USP8: variants seen among roughly 807,000 people sequenced by gnomAD.
The protein encoded by USP8 is ubiquitin carboxyl-terminal hydrolase 8.
In USP8, 27 loss-of-function variants were observed where a neutral mutation model predicts 130.0. The observed-to-expected ratio is 0.21, with a 90% CI of 0.15 to 0.29. USP8 has a LOEUF of 0.29. USP8 is among the 10% of genes least tolerant of loss of function. The pLI, the probability that USP8 is intolerant of heterozygous loss-of-function variation, is 1.00. For synonymous variants in USP8, 392 were observed against 444.1 expected (o/e 0.88, Z 1.48); for missense variants, 1,029 against 1,312.2 (o/e 0.78, Z 3.33).
intron 12 of USP8, among the ~76,000 whole-genome samples, chr15:50,488,975 G>A (rs78322340): frequency 0.01 from 1,561 of 152,012 alleles, 25 homozygotes; most frequent in East Asian, 0.026. Flanking sequence ...TCTTGGCCTC[G>A]CAAAGTGCTG....
At position 50,497,190 on chromosome 15, in the gene USP8, A is replaced by G. The variant is rs2052449644; in HGVS notation, c.2997A>G (p.Glu999=). The stretch of plus-strand genomic sequence containing the variant: ...GACGGGATTCTCTAAAAAAGATAGA[A>G]ATCTGGAAGTTACCACCTGTGCTTT... ...RARRDSLKKI[E]IWKLPPVLLV... Residue 999 remains glutamate, a synonymous_variant, in exon 18 of 20, where the codon GAA becomes GAG. Transcript: ENST00000307179. The G allele has an allele frequency of 6.2e-7, 1 of 1,611,142 alleles. No individual in the cohort carries two copies. The highest frequency in any genetic ancestry group is 8.5e-7 in the Non-Finnish European group (1 of 1,178,930).
intron 15 of USP8, chr15:50,493,522 G>A (rs145370497): frequency 8.1e-5 from 42 of 517,288 alleles, no homozygotes; most frequent in African/African-American, 6.3e-4. Context: ...GGAGGCTGAC[G>A]TGGGCAGATC....
chr15:50,444,035 A>G (rs938785826), intron 3 of USP8, among the ~76,000 whole-genome samples: 1 of 151,694 alleles, frequency 6.6e-6, no homozygotes, highest in African/African-American at 2.4e-5. Flanking sequence ...AATATTTTTG[A>G]AAGTCTTAAA....
At chr15:50,459,586 A>G (rs1220672826) in intron 5 of USP8, among the ~76,000 whole-genome samples, 1 of 152,040 alleles carries the variant, frequency 6.6e-6, no homozygotes, top group African/African-American at 2.4e-5. Context: ...TCTTGTCTCA[A>G]AAAAAAAGAA....
intron 7 of USP8, among the ~76,000 whole-genome samples, chr15:50,469,863 C>T (rs527941329): frequency 2.8e-5 from 4 of 144,884 alleles, no homozygotes; most frequent in South Asian, 2.2e-4. Context: ...GACAGAGTCT[C>T]GCTCTTCACC....
At position 50,497,086 on chromosome 15, in the gene USP8, C is replaced by T. The variant is rs760551988; in HGVS notation, c.2896-3C>T. 5 of 1,581,644 alleles carry T rather than the reference C, an allele frequency of 3.2e-6. No individual in the cohort carries two copies. Among genetic ancestry groups the T allele is most frequent in the Admixed American group, 1.9e-5 (1 of 51,890 alleles). ...GTATCTGCTACTTGTTTTTTTCTGC[C>T]AGGATTGCCTTAGATTATTTTCCAA... On this transcript the variant is annotated splice_region_variant and splice_polypyrimidine_tract_variant and intron_variant, in intron 17 of 19. Transcript: ENST00000307179.
rs559873715 is a variant in USP8 at position 50,512,915 on chromosome 15, C to T, written c.*13827C>T. Reference sequence around the variant, plus strand: ...AGTTGGGAAACAAAAAGATCATGTACAACAAACCAAAAACAAAAAAGTTAT... The same window carrying T: ...AGTTGGGAAACAAAAAGATCATGTATAACAAACCAAAAACAAAAAAGTTAT... On this transcript the variant is annotated 3_prime_UTR_variant, in exon 20 of 20. Transcript: ENST00000307179. 6.6e-6 allele frequency: 1 copy of T among 152,158 alleles called. No individual in the cohort carries two copies. Among genetic ancestry groups the T allele is most frequent in the South Asian group, 2.1e-4 (1 of 4,822 alleles). The allele number at this position is 152,158 out of a possible 1,614,324, so 9.4% of individuals were successfully genotyped here.
At chr15:50,436,293 C>G (rs2050088619) in intron 1 of USP8, among the ~76,000 whole-genome samples, 1 of 151,694 alleles carries the variant, frequency 6.6e-6, no homozygotes, top group Admixed American at 6.6e-5. Flanking sequence ...CTTTTCATCT[C>G]TTTGAAAAAC....
At chr15:50,447,486 C>A (rs1008433545) in intron 3 of USP8, among the ~76,000 whole-genome samples, 1 of 152,132 alleles carries the variant, frequency 6.6e-6, no homozygotes, top group Non-Finnish European at 1.5e-5. Context: ...GGTGATCCAC[C>A]CACCTCAGCC....
In USP8 at chr15:50,439,079, T is replaced by C; in HGVS notation, c.6T>C (p.Pro2=). The change falls in exon 2 of 20, where the codon CCT becomes CCC. Residue 2 remains proline (P), a synonymous_variant. Transcript: ENST00000307179. ...AAAAGTAAAGATAATTCATCATGCC[T>C]GCTGTGGCTTCAGTTCCTAAAGAAC... The part of the protein sequence containing the change: M[P]AVASVPKELY... The C allele has an allele frequency of 1.9e-6, 3 of 1,608,494 alleles. No individual in the cohort carries two copies. The highest frequency in any genetic ancestry group is 1.7e-4 in the Middle Eastern group (1 of 5,866).
At chr15:50,498,488 T>G in intron 18 of USP8, 108 bp from the exon 19 acceptor site, 1 of 1,373,720 alleles carries the variant, frequency 7.3e-7, no homozygotes, top group Non-Finnish European at 9.7e-7. Flanking sequence ...CAAGTCTTTG[T>G]ATTTGAAATG....
chr15:50,494,068 A>G lies in USP8; in HGVS notation c.2448-2A>G. On this transcript the variant is annotated splice_acceptor_variant, in intron 15 of 19. Transcript: ENST00000307179. LOFTEE classifies it high-confidence loss of function. ...CTTTTGTAACAACTTTTATTTGCAC[A>G]GGTCAAATTTGTTGGGGCATAAAGG... 1 of 1,601,260 alleles carries G rather than the reference A, an allele frequency of 6.2e-7. No individual in the cohort carries two copies. Among genetic ancestry groups the G allele is most frequent in the Non-Finnish European group, 8.5e-7 (1 of 1,176,204 alleles).
rs374628414 is a variant in USP8 at position 50,461,435 on chromosome 15, A to G, written c.499-845A>G. 5.1e-5 allele frequency among the ~76,000 whole-genome samples: 7 copies of G among 137,490 alleles called. No homozygotes were observed. In the East Asian group the frequency reaches 1.1e-3, roughly 21 times the overall value. 90.2% of individuals were successfully genotyped at this position (137,490 alleles called of 152,430 possible). On this transcript the variant is annotated intron_variant, in intron 5 of 19. Transcript: ENST00000307179. ...CATGCAACTGCACTCCAGCTTGAGC[A>G]TTAGAGTGAGACCCTATCTCCAAAA...
rs2052716973 is a variant in USP8 at position 50,510,032 on chromosome 15, A to G, written c.*10944A>G. ...ATTAATATTCATAAGCTAAATTAAG[A>G]ATTAATTCAATATTAATTTAATAAA... On this transcript the variant is annotated 3_prime_UTR_variant, in exon 20 of 20. Transcript: ENST00000307179. 1 of 152,080 alleles carries G rather than the reference A, an allele frequency of 6.6e-6. No homozygotes were observed. The highest frequency in any genetic ancestry group is 1.5e-5 in the Non-Finnish European group (1 of 67,994). The allele number at this position is 152,080 out of a possible 1,614,324, so 9.4% of individuals were successfully genotyped here.
chr15:50,484,962 G>T lies in USP8; in HGVS notation c.1890+601G>T, dbSNP rs146545108. Among the ~76,000 whole-genome samples, 254 of 152,298 alleles carry T rather than the reference G, an allele frequency of 1.7e-3. 2 individuals are homozygous for T. Among genetic ancestry groups the T allele is most frequent in the African/African-American group, 5.7e-3 (239 of 41,572 alleles). ...ATGTATAGAGACAGAAAGTAGAATGGTGGTTGTCAGAGCTGGAGAAAGGGG... is the reference window on the plus strand; with the variant it reads ...ATGTATAGAGACAGAAAGTAGAATGTTGGTTGTCAGAGCTGGAGAAAGGGG... On this transcript the variant is annotated intron_variant, in intron 12 of 19. Coordinates refer to ENST00000307179, the MANE Select transcript of USP8 (RefSeq NM_005154.5).
At position 50,432,232 on chromosome 15, in the gene USP8, A is replaced by G. The variant is rs149762749; in HGVS notation, c.-65-6777A>G. 99 of 152,342 alleles carry G rather than the reference A, an allele frequency of 6.5e-4. 1 individual carries two copies. The highest frequency in any genetic ancestry group is 2.2e-3 in the African/African-American group (90 of 41,558). The allele number at this position is 152,342 out of a possible 1,614,324, so 9.4% of individuals were successfully genotyped here. On this transcript the variant is annotated intron_variant, in intron 1 of 19. Coordinates refer to ENST00000307179, the MANE Select transcript of USP8 (RefSeq NM_005154.5). Reference sequence around the variant, plus strand: ...CTTGTAGCTGAGACCTCAGATGTGCACCACTACGCCCAGCTAATTTTTAAA... The same window carrying G: ...CTTGTAGCTGAGACCTCAGATGTGCGCCACTACGCCCAGCTAATTTTTAAA...
intron 1 of USP8, among the ~76,000 whole-genome samples, chr15:50,437,483 A>T (rs954717896): frequency 7.9e-5 from 12 of 152,238 alleles, no homozygotes. Flanking sequence ...GATGGGCAGA[A>T]GATGATGAGG....
chr15:50,503,006 C>T lies in USP8; in HGVS notation c.*3918C>T, dbSNP rs1472670221. On this transcript the variant is annotated 3_prime_UTR_variant, in exon 20 of 20. Transcript: ENST00000307179. ...TATTCCCTTCAACCTTCGTCTTCCC[C>T]ACCTCTCTCCTTACAGGTAATAGAA... 1 of 152,192 alleles carries T rather than the reference C, an allele frequency of 6.6e-6. No homozygotes were observed. Among genetic ancestry groups the T allele is most frequent in the African/African-American group, 2.4e-5 (1 of 41,442 alleles). The allele number at this position is 152,192 out of a possible 1,614,324, so 9.4% of individuals were successfully genotyped here. A position where few individuals can be genotyped will look rare whatever the true frequency, so the allele number is the denominator to read the frequency against.
intron 10 of USP8, among the ~76,000 whole-genome samples, chr15:50,477,820 G>A (rs1343575731): frequency 1.4e-5 from 2 of 146,190 alleles, no homozygotes; most frequent in Admixed American, 6.9e-5. Context: ...CAGCCTGGGT[G>A]ACAGCAAGAC....
Sources: allele counts gnomAD v4.1 joint callset (sites outside exome capture counted in the v4.1 genomes callset), GRCh38; gene constraint gnomAD v4.1.1; transcripts MANE v1.5; gene names NCBI Gene and HGNC (gene_info 2026-07-23, HGNC 2026-07-21).